The following PCDH15 variants were observed in gnomAD, a reference collection of about 807,000 sequenced individuals.
PCDH15 encodes protocadherin-15.
PCDH15 carries 129 observed loss-of-function variants against 178.5 expected under a neutral mutation model. The ratio of observed to expected loss-of-function variants is 0.72; its 90% confidence interval spans 0.63 to 0.84. PCDH15 has a LOEUF of 0.84. Among genes scored for constraint, PCDH15 ranks in the 40% least tolerant of loss-of-function variants. The pLI, the probability that PCDH15 is intolerant of heterozygous loss-of-function variation, is 0.00. For synonymous variants in PCDH15, 800 were observed against 732.0 expected, an observed-to-expected ratio of 1.09 and a Z score of -1.50; for missense variants, 2,230 against 2,099.9, an observed-to-expected ratio of 1.06 and a Z score of -1.21.
intron 1 of PCDH15, among the ~76,000 whole-genome samples, chr10:55,210,564 GAA>G (rs10717504): frequency 7.1e-6 from 1 of 141,168 alleles, no homozygotes; most frequent in South Asian, 2.3e-4. Context: ...TTTGCGGGGG[GAA>G]AAAAAAGCTA....
At chr10:53,944,251 T>A (rs1297312914) in intron 23 of PCDH15, among the ~76,000 whole-genome samples, 1 of 152,164 alleles carries the variant, frequency 6.6e-6, no homozygotes, top group Non-Finnish European at 1.5e-5. Context: ...TTTATTTTTT[T>A]AAAGCATCAA....
chr10:55,102,344 C>T (rs1218102665), intron 2 of PCDH15, among the ~76,000 whole-genome samples: 2 of 151,966 alleles, frequency 1.3e-5, no homozygotes, highest in Non-Finnish European at 2.9e-5. Flanking sequence ...AGAGAGGTCT[C>T]CTGTTATCCA....
At chr10:55,044,393 A>G (rs1840945416) in intron 2 of PCDH15, among the ~76,000 whole-genome samples, 2 of 152,284 alleles carry the variant, frequency 1.3e-5, no homozygotes, top group South Asian at 2.1e-4. Context: ...AACCTAACGC[A>G]TATGATAACT....
intron 3 of PCDH15, among the ~76,000 whole-genome samples, chr10:54,430,303 C>T (rs1409537085): frequency 2.6e-5 from 4 of 152,012 alleles, no homozygotes; most frequent in African/African-American, 9.7e-5. Context: ...GATCCGCCAG[C>T]CTCAGCCTAC....
chr10:55,070,370 T>C (rs1310924849), intron 2 of PCDH15, among the ~76,000 whole-genome samples: 1 of 151,636 alleles, frequency 6.6e-6, no homozygotes, highest in East Asian at 1.9e-4. Flanking sequence ...ATGTCCTGAA[T>C]GGTAATGCCT....
At chr10:53,950,027 T>C (rs935509508) in intron 23 of PCDH15, among the ~76,000 whole-genome samples, 5 of 152,134 alleles carry the variant, frequency 3.3e-5, no homozygotes, top group African/African-American at 1.2e-4. Context: ...CAACCTGTCA[T>C]TTATTACAAA....
chr10:53,866,848 T>G lies in PCDH15; in HGVS notation c.3511A>C (p.Lys1171Gln). The stretch of plus-strand genomic sequence containing the variant: ...ATGACACTATAATTGCCAGTATCTT[T>G]ATCAGTAGCCTAGACGGAGGGGAAA... ...TSVLRVKATD[K>Q]DTGNYSVMAY... Residue 1171 changes from lysine to glutamine, a missense_variant, in exon 27 of 38, where the codon AAA becomes CAA. Coordinates refer to ENST00000644397, the MANE Select transcript of PCDH15 (RefSeq NM_001384140.1). The G allele has an allele frequency of 6.2e-7, 1 of 1,606,182 alleles. No homozygotes were observed. The highest frequency in any genetic ancestry group is 8.5e-7 in the Non-Finnish European group (1 of 1,174,170).
chr10:54,781,996 A>C lies in PCDH15; in HGVS notation c.-29+18929T>G, dbSNP rs1239150652. Among the ~76,000 whole-genome samples the C allele has an allele frequency of 2.0e-5, 3 of 152,210 alleles. No individual in the cohort carries two copies. The East Asian group carries it at 5.8e-4, about 29-fold the overall frequency. ...AAACTCATTGGCAAATAATTCAAAT[A>C]GGCTTGTAAGTCTCAGAGATAAGGG... On this transcript the variant is annotated intron_variant, in intron 1 of 37. Coordinates refer to ENST00000644397, the MANE Select transcript of PCDH15 (RefSeq NM_001384140.1).
chr10:55,423,978 A>C (rs1210443790), intron 2 of PCDH15, among the ~76,000 whole-genome samples: 1 of 152,074 alleles, frequency 6.6e-6, no homozygotes, highest in African/African-American at 2.4e-5. Flanking sequence ...AATAATTCTG[A>C]TGTGTTGACT....
chr10:54,454,157 A>C (rs567025452), intron 3 of PCDH15, among the ~76,000 whole-genome samples: 1 of 149,620 alleles, frequency 6.7e-6, no homozygotes, highest in Admixed American at 6.7e-5. Flanking sequence ...AGATTTATAT[A>C]GTTTTATAAA....
At chr10:54,922,026 C>T (rs944387336) in intron 2 of PCDH15, among the ~76,000 whole-genome samples, 7 of 152,162 alleles carry the variant, frequency 4.6e-5, no homozygotes, top group African/African-American at 1.7e-4. Context: ...AAAATCCTAA[C>T]CCATGATTCA....
intron 2 of PCDH15, among the ~76,000 whole-genome samples, chr10:54,903,585 A>G (rs929879625): frequency 3.3e-5 from 5 of 152,110 alleles, no homozygotes; most frequent in East Asian, 1.9e-4. Context: ...TTTTTTGGGA[A>G]AAAGTATTTT....
intron 3 of PCDH15, among the ~76,000 whole-genome samples, chr10:54,860,979 G>A (rs1056816532): frequency 2.6e-5 from 4 of 152,044 alleles, no homozygotes; most frequent in Non-Finnish European, 5.9e-5. Flanking sequence ...TAATTTAAGT[G>A]CTCTGTCCCA....
At chr10:55,236,959 A>G (rs1841400590) in intron 1 of PCDH15, among the ~76,000 whole-genome samples, 1 of 151,436 alleles carries the variant, frequency 6.6e-6, no homozygotes, top group African/African-American at 2.5e-5. Context: ...TTCAAAAGTC[A>G]CGTGTACGCA....
At chr10:54,861,328 C>A (rs565052603) in intron 3 of PCDH15, among the ~76,000 whole-genome samples, 6 of 152,104 alleles carry the variant, frequency 3.9e-5, no homozygotes, top group Non-Finnish European at 8.8e-5. Context: ...TCATCAGGCA[C>A]TACTATGAGT....
At chr10:54,033,749 T>C (rs780681470) in intron 18 of PCDH15, among the ~76,000 whole-genome samples, 12 of 152,028 alleles carry the variant, frequency 7.9e-5, no homozygotes, top group Non-Finnish European at 1.5e-4. Flanking sequence ...CAAAGTATTG[T>C]GGTTTGTTTT....
At chr10:55,290,399 C>T (rs1048396202) in intron 1 of PCDH15, among the ~76,000 whole-genome samples, 1 of 151,988 alleles carries the variant, frequency 6.6e-6, no homozygotes, top group African/African-American at 2.4e-5. Flanking sequence ...GGTGAAGTGT[C>T]TTCATATTTT....
At chr10:55,042,859 T>A (rs998252857) in intron 2 of PCDH15, among the ~76,000 whole-genome samples, 1 of 152,132 alleles carries the variant, frequency 6.6e-6, no homozygotes, top group Non-Finnish European at 1.5e-5. Context: ...TACATTTTGA[T>A]CTTTTAAGAC....
At chr10:53,945,837 G>GTATATATATA (rs56389905) in intron 23 of PCDH15, among the ~76,000 whole-genome samples, 35 of 119,428 alleles carry the variant, frequency 2.9e-4, no homozygotes, top group Non-Finnish European at 3.7e-4. Context: ...ATATTTCATT[G>GTATATATATA]TATATATATA....
Sources: allele counts gnomAD v4.1 joint callset (sites outside exome capture counted in the v4.1 genomes callset), GRCh38; gene constraint gnomAD v4.1.1; transcripts MANE v1.5; gene names NCBI Gene and HGNC (gene_info 2026-07-23, HGNC 2026-07-21).